CALCOCO2: variants seen among roughly 807,000 people sequenced by gnomAD.
CALCOCO2 encodes calcium binding and coiled-coil domain 2, also known as calcium-binding and coiled-coil domain-containing protein 2.
Under a neutral mutation model 62.5 loss-of-function variants are expected in CALCOCO2, and 42 were observed. The observed-to-expected ratio is 0.67, with a 90% CI of 0.53 to 0.87. The LOEUF (loss-of-function observed/expected upper bound fraction) is 0.87, where lower values mean the gene tolerates loss of function less well. CALCOCO2 is among the 40% of genes least tolerant of loss of function. The probability of loss-of-function intolerance (pLI) is 0.00; values close to 1 mark genes in which losing one functional copy is unlikely to be tolerated. For missense variants in CALCOCO2, 456 were observed against 515.0 expected (o/e 0.89, Z 1.11); for synonymous variants, 167 against 173.0 (o/e 0.97, Z 0.27).
At chr17:48,861,094 G>A (rs56686532) in intron 11 of CALCOCO2, among the ~76,000 whole-genome samples, 16,419 of 152,076 alleles carry the variant, frequency 0.11, 1,543 homozygotes, top group African/African-American at 0.26. Flanking sequence ...GTGGCCGTGC[G>A]CGGTGGCTCA....
chr17:48,837,354 ACT>A (rs1187754324), intron 1 of CALCOCO2, among the ~76,000 whole-genome samples: 1 of 149,350 alleles, frequency 6.7e-6, no homozygotes, highest in Non-Finnish European at 1.5e-5. Context: ...CCGTTGAAAA[ACT>A]CTTTTGAGCC....
At position 48,851,606 on chromosome 17, in the gene CALCOCO2, G is replaced by T; in HGVS notation, c.680G>T (p.Gly227Val). ...ATGTCCTCAGAAAATGAGAAGATGG[G>T]AATCAGAGTGGATCAGCTTCAGGTA... ...QKMSSENEKM[G>V]IRVDQLQAQL... The change falls in exon 7 of 13, where the codon GGA becomes GTA. Residue 227 changes from glycine (G) to valine (V), a missense_variant. Gly to Val is a moderately radical substitution (Grantham distance 109). Around this residue, in one of 3 missense-constraint regions of CALCOCO2, gnomAD observed 236 missense variants for 225.3 expected, o/e 1.05. Coordinates refer to ENST00000258947, the MANE Select transcript of CALCOCO2 (RefSeq NM_005831.5). 1 of 1,599,808 alleles carries T rather than the reference G, an allele frequency of 6.3e-7. No individual in the cohort carries two copies. Among genetic ancestry groups the T allele is most frequent in the South Asian group, 1.1e-5 (1 of 90,800 alleles).
At chr17:48,832,507 C>G (rs1341746582) in intron 1 of CALCOCO2, among the ~76,000 whole-genome samples, 1 of 151,860 alleles carries the variant, frequency 6.6e-6, no homozygotes, top group African/African-American at 2.4e-5. Flanking sequence ...CTTCTTTTTT[C>G]CTTCACTTAG....
At chr17:48,860,787 A>G (rs1308052961) in intron 11 of CALCOCO2, among the ~76,000 whole-genome samples, 1 of 151,992 alleles carries the variant, frequency 6.6e-6, no homozygotes, top group Non-Finnish European at 1.5e-5. Context: ...AATGGTAGCA[A>G]GAGAGGCAAG....
intron 1 of CALCOCO2, among the ~76,000 whole-genome samples, chr17:48,837,614 C>T (rs927395695): frequency 6.6e-5 from 10 of 152,010 alleles, no homozygotes; most frequent in Non-Finnish European, 1.5e-4. Flanking sequence ...CCACTGCACT[C>T]CAGCCTGGGG....
chr17:48,854,382 T>TTTTATA (rs1567757283), intron 9 of CALCOCO2, among the ~76,000 whole-genome samples: 1 of 5,998 alleles, frequency 1.7e-4, no homozygotes, highest in Admixed American at 6.0e-3. Flanking sequence ...TTTCTTTTAT[T>TTTTATA]TATATATATA....
chr17:48,833,192 C>T (rs1164664839), intron 1 of CALCOCO2, among the ~76,000 whole-genome samples: 1 of 152,182 alleles, frequency 6.6e-6, no homozygotes, highest in African/African-American at 2.4e-5. Flanking sequence ...AGCATTTCTG[C>T]CATAGCCAGG....
At chr17:48,854,397 T>TATATATATATATATATA (rs1491128634) in intron 9 of CALCOCO2, among the ~76,000 whole-genome samples, 5 of 1,756 alleles carry the variant, frequency 2.8e-3, no homozygotes, top group Non-Finnish European at 4.4e-3. Flanking sequence ...TATATATATA[T>TATATATATATATATATA]TTTTTTTTTT....
intron 1 of CALCOCO2, among the ~76,000 whole-genome samples, chr17:48,839,097 T>A (rs932454269): frequency 2.0e-5 from 3 of 151,748 alleles, no homozygotes; most frequent in Non-Finnish European, 2.9e-5. Flanking sequence ...AAACTCGGCC[T>A]CCCGGGTTCC....
At chr17:48,838,110 T>C (rs2039920014) in intron 1 of CALCOCO2, among the ~76,000 whole-genome samples, 1 of 151,966 alleles carries the variant, frequency 6.6e-6, no homozygotes, top group South Asian at 2.1e-4. Context: ...GAGTGAGCAA[T>C]TCCTGTCCCT....
chr17:48,848,403 C>CG lies in CALCOCO2; in HGVS notation c.365_366insG (p.Gln124ProfsTer7). ...GGTGTGGTCCGGGGAGCAAGTATTC[C>CG]TTTCCAATTCCGTCCAGAAAATGAG... On this transcript the variant is annotated frameshift_variant, in exon 4 of 13. Transcript: ENST00000258947. LOFTEE classifies it high-confidence loss of function. The CG allele has an allele frequency of 6.2e-7, 1 of 1,613,846 alleles. No homozygotes were observed. The highest frequency in any genetic ancestry group is 8.5e-7 in the Non-Finnish European group (1 of 1,179,746).
chr17:48,858,046 A>ATAGAATAGAGAATAGAATAGAATAG, intron 10 of CALCOCO2, among the ~76,000 whole-genome samples: 2 of 40,038 alleles, frequency 5.0e-5, no homozygotes, highest in Admixed American at 3.2e-4. Context: ...ATAGAATAGA[A>ATAGAATAGAGAATAGAATAGAATAG]AATAGAATAG....
chr17:48,842,019 C>T, intron 2 of CALCOCO2, 132 bp downstream of exon 2: 5 of 562,128 alleles, frequency 8.9e-6, no homozygotes, highest in Non-Finnish European at 1.5e-5. Flanking sequence ...TAGCCAAGCT[C>T]CACAGCACTT....
At chr17:48,841,974 A>G (rs1345578968) in intron 2 of CALCOCO2, 87 bp downstream of exon 2, 6 of 927,296 alleles carry the variant, frequency 6.5e-6, no homozygotes, top group Admixed American at 5.1e-5. Context: ...TATTATAAGC[A>G]TTTTGTATAA....
chr17:48,847,038 T>C (rs906882207), intron 2 of CALCOCO2, among the ~76,000 whole-genome samples: 9 of 152,196 alleles, frequency 5.9e-5, no homozygotes, highest in African/African-American at 1.7e-4. Context: ...TTATGTCTTA[T>C]GATTTATTGT....
At chr17:48,857,271 C>T (rs1466369953) in intron 10 of CALCOCO2, among the ~76,000 whole-genome samples, 1 of 149,790 alleles carries the variant, frequency 6.7e-6, no homozygotes, top group Non-Finnish European at 1.5e-5. Flanking sequence ...GATCTCAGCT[C>T]ACCGCAACCT....
rs770155830 is a variant in CALCOCO2 at position 48,851,637 on chromosome 17, T to C, written c.702+9T>C. The C allele has an allele frequency of 2.0e-6, 3 of 1,503,884 alleles. No homozygotes were observed. The highest frequency in any genetic ancestry group is 2.8e-6 in the Non-Finnish European group (3 of 1,079,236). The allele number at this position is 1,503,884 out of a possible 1,614,324, so 93.2% of individuals were successfully genotyped here. ...GAGTGGATCAGCTTCAGGTAGGTAA[T>C]GCCATATGTTTGTCAAAGGATATTT... On this transcript the variant is annotated intron_variant, in intron 7 of 12. Transcript: ENST00000258947.
At position 48,857,497 on chromosome 17, in the gene CALCOCO2, C is replaced by CTTTTTTTTT. The variant is rs59318856; in HGVS notation, c.1008+1325_1008+1333dup. On this transcript the variant is annotated intron_variant, in intron 10 of 12. Transcript: ENST00000258947. Reference sequence around the variant, plus strand: ...CAGGCGTGAGCCACTGCACCCGGCCCTTTTTTTTTTTTTTTTTTTTTTTGA... The same window carrying CTTTTTTTTT: ...CAGGCGTGAGCCACTGCACCCGGCCCTTTTTTTTTTTTTTTTTTTTTTTTTTTTTTTTGA... Among the ~76,000 whole-genome samples, 103 of 38,438 alleles carry CTTTTTTTTT rather than the reference C, an allele frequency of 2.7e-3. 11 individuals carry two copies. Among genetic ancestry groups the CTTTTTTTTT allele is most frequent in the African/African-American group, 5.3e-3 (64 of 12,074 alleles). The allele number at this position is 38,438 out of a possible 152,430, so 25.2% of individuals were successfully genotyped here. A position where few individuals can be genotyped will look rare whatever the true frequency, so the allele number is the denominator to read the frequency against.
chr17:48,856,054 T>C, intron 9 of CALCOCO2, 38 bp from the exon 10 acceptor site: 1 of 1,057,650 alleles, frequency 9.5e-7, no homozygotes, highest in Non-Finnish European at 1.4e-6. Flanking sequence ...CAGACTGCAA[T>C]ATGTGATCCT....
Sources: gnomAD v4.1 joint callset for allele counts (sites outside exome capture counted in the v4.1 genomes callset) on GRCh38, gnomAD v4.1.1 for gene constraint, gnomAD v4.1.1 regional missense constraint, MANE v1.5 for transcripts, NCBI Gene and HGNC (gene_info 2026-07-23, HGNC 2026-07-21) for gene names.